The following SORBS3 variants were observed in gnomAD, a reference collection of about 807,000 sequenced individuals.
SORBS3 encodes the protein vinexin.
A neutral mutation model predicts 98.0 loss-of-function variants in SORBS3; 69 were observed. That is an observed-to-expected ratio of 0.70 (90% confidence interval 0.58 to 0.86). The LOEUF (loss-of-function observed/expected upper bound fraction) is 0.86, where lower values mean the gene tolerates loss of function less well. Ranked by LOEUF, SORBS3 falls within the 40% of genes least tolerant of loss-of-function variation. SORBS3 has a pLI of 0.00. For synonymous variants in SORBS3, 394 were observed against 355.4 expected (o/e 1.11, Z -1.22); for missense variants, 954 against 908.5 (o/e 1.05, Z -0.64).
rs764359398 is a variant in SORBS3 at position 22,567,126 on chromosome 8, AG to A, written c.1259del (p.Gly420GlufsTer64). On this transcript the variant is annotated frameshift_variant, in exon 16 of 21. Transcript: ENST00000240123. LOFTEE classifies it high-confidence loss of function. Reference protein sequence around the residue: ...IHKEVDKNWLEGEHHGRLGIF... With the variant: ...IHKEVDKNWLXGEHHGRLGIF... ...AAGGAGGTGGACAAGAACTGGCTGG[AG>A]GGAGAGCACCACGGCCGCCTGGGCA... 6.2e-7 allele frequency: 1 copy of A among 1,611,058 alleles called. No individual in the cohort carries two copies. The highest frequency in any genetic ancestry group is 8.5e-7 in the Non-Finnish European group (1 of 1,178,232).
chr8:22,573,030 C>T (rs892395679), intron 20 of SORBS3, among the ~76,000 whole-genome samples: 34 of 152,214 alleles, frequency 2.2e-4, no homozygotes, highest in African/African-American at 6.8e-4. Flanking sequence ...AAGGATGGGC[C>T]GTCCCCAGAG....
intron 1 of SORBS3, among the ~76,000 whole-genome samples, chr8:22,546,162 T>C (rs1184255364): frequency 6.6e-6 from 1 of 152,234 alleles, no homozygotes; most frequent in Non-Finnish European, 1.5e-5. Flanking sequence ...CTAATGTCTT[T>C]TTTGTGAACA....
intron 3 of SORBS3, among the ~76,000 whole-genome samples, 193 bp downstream of exon 3, chr8:22,555,173 C>T (rs1179387700): frequency 6.6e-6 from 1 of 152,208 alleles, no homozygotes; most frequent in African/African-American, 2.4e-5. Flanking sequence ...GAGACACCCG[C>T]TTGGGGAGAG....
At chr8:22,548,913 C>T (rs899250625), upstream of SORBS3, among the ~76,000 whole-genome samples, 9 of 152,178 alleles carry the variant, frequency 5.9e-5, no homozygotes, top group Admixed American at 2.0e-4. Flanking sequence ...CGCATTCCAC[C>T]GCCTTCTCCC....
chr8:22,555,097 G>A (rs1840160523), intron 3 of SORBS3, 117 bp downstream of exon 3: 1 of 873,080 alleles, frequency 1.1e-6, no homozygotes, highest in Admixed American at 2.2e-5. Context: ...AAGGCCATGA[G>A]GAGGTTCCTC....
At chr8:22,549,066 C>T (rs145668948), upstream of SORBS3, among the ~76,000 whole-genome samples, 12 of 152,248 alleles carry the variant, frequency 7.9e-5, no homozygotes, top group East Asian at 5.8e-4. Context: ...AGGGCTTGAG[C>T]GGGGAATACT....
chr8:22,566,566 G>A, intron 13 of SORBS3, 82 bp downstream of exon 13: 1 of 1,584,214 alleles, frequency 6.3e-7, no homozygotes, highest in Non-Finnish European at 8.6e-7. Context: ...GCAGGTCACA[G>A]AGCCCCTTGC....
At chr8:22,558,258 C>A in intron 5 of SORBS3, 66 bp downstream of exon 5, 1 of 1,493,698 alleles carries the variant, frequency 6.7e-7, no homozygotes, top group Admixed American at 1.7e-5. Context: ...CTTGGAGAGA[C>A]AGGGAAAGAA....
Position 22,554,264 on chromosome 8 carries a change from C to G in SORBS3, c.-55-188C>G, listed in dbSNP as rs1840141772. On this transcript the variant is annotated intron_variant, in intron 1 of 20. Coordinates refer to ENST00000240123, the MANE Select transcript of SORBS3 (RefSeq NM_005775.5). This position sits in a 1 kb window ranked among gnomAD's most constrained non-coding sequence, Gnocchi z 6.5. ...AAGTGGTCCATTGTGCCCCTGGGAG[C>G]CGGCAGGCACGGGCAGCCTGCAGGC... 1 of 476,610 alleles carries G rather than the reference C, an allele frequency of 2.1e-6. No individual in the cohort carries two copies. The highest frequency in any genetic ancestry group is 3.6e-6 in the Non-Finnish European group (1 of 275,750). 29.5% of individuals were successfully genotyped at this position (476,610 alleles called of 1,614,324 possible).
intron 1 of SORBS3, among the ~76,000 whole-genome samples, chr8:22,552,417 C>A (rs1840099921): frequency 6.6e-6 from 1 of 152,226 alleles, no homozygotes; most frequent in Admixed American, 6.5e-5. Flanking sequence ...CATGGGGGAC[C>A]AGTCCCCAGA....
chr8:22,560,360 T>C (rs998026259), intron 5 of SORBS3, among the ~76,000 whole-genome samples: 18 of 151,624 alleles, frequency 1.2e-4, no homozygotes, highest in African/African-American at 3.9e-4. Context: ...CCTAGGGAGA[T>C]AGAGAGACAA....
chr8:22,574,215 A>G (rs1333609637), intron 20 of SORBS3, among the ~76,000 whole-genome samples: 2 of 152,156 alleles, frequency 1.3e-5, no homozygotes, highest in East Asian at 3.9e-4. Flanking sequence ...TGTGGGGCTG[A>G]GAGGCCTGGA....
At chr8:22,564,778 GA>G in intron 10 of SORBS3, 1 of 1,362,136 alleles carries the variant, frequency 7.3e-7, no homozygotes, top group South Asian at 1.6e-5. Context: ...GGATTATCAG[GA>G]AATATTCTTG....
At chr8:22,569,009 C>A (rs991721354) in intron 16 of SORBS3, 139 bp from the exon 17 acceptor site, 2 of 871,360 alleles carry the variant, frequency 2.3e-6, no homozygotes, top group Non-Finnish European at 1.6e-6. Context: ...GTGGCTGCCC[C>A]CAGGGCTTGT....
intron 10 of SORBS3, chr8:22,564,888 C>G (rs1455249609): frequency 1.9e-5 from 24 of 1,277,106 alleles, no homozygotes; most frequent in Non-Finnish European, 2.4e-5. Context: ...GGGCTCCGGT[C>G]CCTGGGGTGG....
chr8:22,574,556 T>C, intron 20 of SORBS3, 111 bp from the exon 21 acceptor site: 1 of 1,061,844 alleles, frequency 9.4e-7, no homozygotes, highest in Non-Finnish European at 1.4e-6. Context: ...TGGGCTCCCC[T>C]ACAGAACTCC....
At chr8:22,550,032 C>T, upstream of SORBS3, 3 of 985,154 alleles carry the variant, frequency 3.0e-6, no homozygotes, top group Non-Finnish European at 3.6e-6. Flanking sequence ...GCGATGTGGT[C>T]CTTCTTAGTC....
Position 22,564,296 on chromosome 8 carries a change from G to A in SORBS3, c.689G>A (p.Arg230Gln), listed in dbSNP as rs763040812. 8.7e-6 allele frequency: 14 copies of A among 1,604,566 alleles called. No individual in the cohort carries two copies. The highest frequency in any genetic ancestry group is 3.3e-5 in the South Asian group (3 of 90,140). The change falls in exon 9 of 21, where the codon CGG (arginine) becomes CAG (glutamine). Residue 230 changes from arginine to glutamine, a missense_variant. Physicochemically the swap from Arg to Gln is conservative, Grantham distance 43. Transcript: ENST00000240123. ...LQPSNQVLRR[R>Q]EKVDNVWTEE... ...ACCTCCACGCAGGTGCTCAGACGCC[G>A]GGAAAAAGTAGACAATGTCTGGACG...
At chr8:22,564,881 C>T (rs904034737) in intron 10 of SORBS3, 2 of 1,247,058 alleles carry the variant, frequency 1.6e-6, no homozygotes, top group African/African-American at 1.5e-5. Flanking sequence ...GGGGTGGGGG[C>T]TCCGGTCCCT....
Sources: gnomAD v4.1 joint callset for allele counts (sites outside exome capture counted in the v4.1 genomes callset) on GRCh38, gnomAD v4.1.1 for gene constraint, Gnocchi (gnomAD v3.1) non-coding constraint, MANE v1.5 for transcripts, NCBI Gene and HGNC (gene_info 2026-07-23, HGNC 2026-07-21) for gene names.